PREX1: variants seen among roughly 807,000 people sequenced by gnomAD.
PREX1 encodes the protein phosphatidylinositol 3,4,5-trisphosphate-dependent Rac exchanger 1 protein.
Under a neutral mutation model 198.3 loss-of-function variants are expected in PREX1, and 41 were observed. That is an observed-to-expected ratio of 0.21 (90% CI 0.16 to 0.27). PREX1 has a LOEUF of 0.27. Ranked by LOEUF, PREX1 falls within the 10% of genes least tolerant of loss-of-function variation. The pLI, the probability that PREX1 is intolerant of heterozygous loss-of-function variation, is 1.00. For missense variants in PREX1, 1,620 were observed against 2,200.7 expected (o/e 0.74, Z 5.28); for synonymous variants, 843 against 887.2 (o/e 0.95, Z 0.89).
intron 10 of PREX1, among the ~76,000 whole-genome samples, chr20:48,686,884 C>T (rs530223651): frequency 2.6e-4 from 40 of 152,342 alleles, no homozygotes; most frequent in African/African-American, 8.4e-4. Flanking sequence ...ACTAAGCCTC[C>T]GTGGCCTGCC....
At chr20:48,838,831 T>C in the PREX1 span, among the ~76,000 whole-genome samples, 355 of 151,634 alleles carry the variant, frequency 2.3e-3, 5 homozygotes, top group African/African-American at 8.2e-3. Flanking sequence ...TTTGAAACCA[T>C]CCTGGCCAAC....
intron 7 of PREX1, among the ~76,000 whole-genome samples, chr20:48,697,702 G>T (rs914026569): frequency 6.6e-6 from 1 of 152,076 alleles, no homozygotes; most frequent in Non-Finnish European, 1.5e-5. Context: ...TCTTAATGGC[G>T]ACACACTACT....
rs138280268 is a variant in PREX1, at chr20:48,651,532, G to A, written c.2519C>T (p.Pro840Leu). 2.7e-5 allele frequency: 44 copies of A among 1,614,076 alleles called. No homozygotes were observed. The African/African-American group carries it at 5.9e-4, about 22-fold the overall frequency. ...GTTGTCCACAGTCAGGGTGACCATG[G>A]GGCTGTCCTCACACAGGCTCAGCCG... ...GPRLSLCEDS[P>L]MVTLTVDNVH... is the part of the protein sequence containing the mutation. The change falls in exon 22 of 40, where the codon CCC becomes CTC. Residue 840 changes from proline to leucine, a missense_variant. Pro to Leu is a moderately conservative substitution (Grantham distance 98). This residue lies in a region of PREX1 where 514 missense variants were observed against 611.6 expected (regional missense o/e 0.84). Coordinates refer to ENST00000371941, the MANE Select transcript of PREX1 (RefSeq NM_020820.4).
chr20:48,818,521 G>T (rs931439466), intron 1 of PREX1, among the ~76,000 whole-genome samples: 2 of 152,198 alleles, frequency 1.3e-5, no homozygotes, highest in Admixed American at 6.5e-5. Flanking sequence ...ACAGAATGCG[G>T]GAGGCCAGGG....
At chr20:48,833,982 T>C in the PREX1 span, among the ~76,000 whole-genome samples, 1 of 151,586 alleles carries the variant, frequency 6.6e-6, no homozygotes, top group South Asian at 2.1e-4. Context: ...ACTCAGAAGC[T>C]GAGGCGGAGA....
intron 33 of PREX1, among the ~76,000 whole-genome samples, chr20:48,634,065 G>GGGGTGGAT (rs1555829112): frequency 8.8e-6 from 1 of 113,950 alleles, no homozygotes; most frequent in African/African-American, 3.2e-5. Flanking sequence ...ATGGATGAGT[G>GGGGTGGAT]GGATGGATGG....
At chr20:48,887,810 C>T in the PREX1 span, among the ~76,000 whole-genome samples, 26 of 151,648 alleles carry the variant, frequency 1.7e-4, no homozygotes, top group Admixed American at 5.3e-4. Context: ...ATTAGCCGGG[C>T]GTGGTGGCGG....
At chr20:48,748,299 C>G (rs1601111969) in intron 1 of PREX1, among the ~76,000 whole-genome samples, 1 of 152,040 alleles carries the variant, frequency 6.6e-6, no homozygotes, top group Admixed American at 6.5e-5. Context: ...ATAACACAGT[C>G]ACATGGCTCA....
the PREX1 span, among the ~76,000 whole-genome samples, chr20:48,878,247 T>C: frequency 6.6e-6 from 1 of 152,236 alleles, no homozygotes; most frequent in Non-Finnish European, 1.5e-5. Context: ...TCTCCTTGCA[T>C]AGCCACAAAA....
intron 19 of PREX1, among the ~76,000 whole-genome samples, chr20:48,653,857 C>T (rs2089521574): frequency 6.6e-6 from 1 of 152,238 alleles, no homozygotes; most frequent in Admixed American, 6.5e-5. Flanking sequence ...AGAGGCAAAG[C>T]CATGCTCTCT....
At chr20:48,824,256 G>C (rs2090499634) in intron 1 of PREX1, among the ~76,000 whole-genome samples, 1 of 152,164 alleles carries the variant, frequency 6.6e-6, no homozygotes, top group Non-Finnish European at 1.5e-5. Context: ...ACTCCCTGGA[G>C]ATGAGGGAGG....
At chr20:48,723,607 G>A (rs916972754) in intron 5 of PREX1, among the ~76,000 whole-genome samples, 2 of 152,146 alleles carry the variant, frequency 1.3e-5, no homozygotes, top group Non-Finnish European at 2.9e-5. Flanking sequence ...GGCGTGCCCC[G>A]ACGGAGCGCA....
chr20:48,798,237 A>C (rs2090371613), intron 1 of PREX1, among the ~76,000 whole-genome samples: 1 of 151,954 alleles, frequency 6.6e-6, no homozygotes, highest in South Asian at 2.1e-4. Flanking sequence ...TATCACCCAC[A>C]TTCCTCCACT....
Position 48,653,315 on chromosome 20 carries a change from C to T in PREX1, c.2346+46G>A, listed in dbSNP as rs370516161. ...AGGACAGCCCTCAGCCACCCACCCC[C>T]ACTCAGCAGGACTTCTTTGACGGCC... is the stretch of plus-strand genomic sequence containing the variant. On this transcript the variant is annotated intron_variant, in intron 20 of 39. Transcript: ENST00000371941. 6 of 1,598,004 alleles carry T rather than the reference C, an allele frequency of 3.8e-6. No individual in the cohort carries two copies. The South Asian group carries it at 5.6e-5, about 15-fold the overall frequency.
the PREX1 span, among the ~76,000 whole-genome samples, chr20:48,854,805 C>T: frequency 1.3e-5 from 2 of 152,206 alleles, no homozygotes; most frequent in African/African-American, 2.4e-5. Flanking sequence ...CCGCTCTTAA[C>T]CTCTCAGCTA....
At chr20:48,680,502 G>C (rs1056193410) in intron 11 of PREX1, among the ~76,000 whole-genome samples, 9 of 152,012 alleles carry the variant, frequency 5.9e-5, no homozygotes, top group African/African-American at 2.2e-4. Context: ...TCACCTCCTG[G>C]ACTCTCCCAT....
At chr20:48,834,179 G>A in the PREX1 span, among the ~76,000 whole-genome samples, 10 of 152,248 alleles carry the variant, frequency 6.6e-5, no homozygotes, top group South Asian at 1.2e-3. Flanking sequence ...TTTATAACGT[G>A]AAGGCTGGAT....
At chr20:48,713,724 G>A (rs577817742) in intron 5 of PREX1, among the ~76,000 whole-genome samples, 5 of 148,072 alleles carry the variant, frequency 3.4e-5, no homozygotes, top group South Asian at 2.1e-4. Flanking sequence ...GTGACAGAAC[G>A]AACCTGTCTC....
intron 1 of PREX1, among the ~76,000 whole-genome samples, chr20:48,802,106 A>G (rs768947005): frequency 2.6e-5 from 4 of 152,178 alleles, no homozygotes; most frequent in Non-Finnish European, 4.4e-5. Flanking sequence ...TAAGCAGCAG[A>G]AAACAAACTA....
Sources: gnomAD v4.1 joint callset for allele counts (sites outside exome capture counted in the v4.1 genomes callset) on GRCh38, gnomAD v4.1.1 for gene constraint, gnomAD v4.1.1 regional missense constraint, MANE v1.5 for transcripts, NCBI Gene and HGNC (gene_info 2026-07-23, HGNC 2026-07-21) for gene names.